Variants in C1S observed in about 807,000 individuals in gnomAD.
The protein encoded by C1S is complement C1s subcomponent.
In C1S, 31 loss-of-function variants were observed where a neutral mutation model predicts 54.0. That is an observed-to-expected ratio of 0.57 (90% confidence interval 0.43 to 0.78). C1S has a LOEUF of 0.78. Among genes scored for constraint, C1S ranks in the 30% least tolerant of loss-of-function variants. The pLI is 0.00. For synonymous variants in C1S, 292 were observed against 303.6 expected (o/e 0.96, Z 0.40); for missense variants, 727 against 851.8 (o/e 0.85, Z 1.82).
intron 6 of C1S, 111 bp downstream of exon 6, chr12:7,065,410 C>A: frequency 1.2e-6 from 1 of 810,080 alleles, no homozygotes; most frequent in Non-Finnish European, 2.1e-6. Flanking sequence ...AGCTGGAGTG[C>A]AGTGGTGCAA....
intron 2 of C1S, 36 bp downstream of exon 2, chr12:7,061,953 C>T (rs782640180): frequency 1.2e-6 from 2 of 1,608,496 alleles, no homozygotes. Flanking sequence ...GACACAGACT[C>T]CATTCCCTTC....
chr12:7,069,891 A>G lies in C1S; in HGVS notation c.1307A>G (p.Gln436Arg), dbSNP rs1395566796. 2 of 1,614,052 alleles carry G rather than the reference A, an allele frequency of 1.2e-6. No individual in the cohort carries two copies. The highest frequency in any genetic ancestry group is 1.7e-6 in the Non-Finnish European group (2 of 1,179,996). ...CCCAGAGAACCCTTTGAAGAAAAAC[A>G]GAGGATAATTGGAGGATCCGATGCA... ...GVPREPFEEK[Q>R]RIIGGSDADI... The change falls in exon 12 of 12, where the codon CAG becomes CGG. Residue 436 changes from glutamine (Q) to arginine (R), a missense_variant. Gln to Arg is a conservative substitution (Grantham distance 43). This residue lies in a region of C1S where 360 missense variants were observed against 453.6 expected (regional missense o/e 0.79). Transcript: ENST00000360817.
intron 1 of C1S, 134 bp downstream of exon 1, chr12:7,061,011 C>T (rs1415134106): frequency 2.0e-5 from 3 of 152,226 alleles, no homozygotes; most frequent in Non-Finnish European, 2.9e-5. Flanking sequence ...ATATAGACAA[C>T]CTATTTCTCT....
At chr12:7,063,450 A>T (rs940875936) in intron 4 of C1S, 1 of 440,144 alleles carries the variant, frequency 2.3e-6, no homozygotes, top group Non-Finnish European at 4.6e-6. Context: ...CTTGCCAAGA[A>T]TCACACAAGG....
chr12:7,066,382 G>A (rs1400778912), intron 7 of C1S, 136 bp from the exon 8 acceptor site: 1 of 710,064 alleles, frequency 1.4e-6, no homozygotes, highest in Non-Finnish European at 2.6e-6. Flanking sequence ...TTAGACATCT[G>A]CTGTATTGGA....
At chr12:7,062,030 G>T in intron 2 of C1S, 113 bp downstream of exon 2, 1 of 1,056,556 alleles carries the variant, frequency 9.5e-7, no homozygotes, top group Non-Finnish European at 1.5e-6. Context: ...AGCACTTTGG[G>T]AGGCTGAGGC....
rs1937792552 is a variant in C1S at position 7,069,865 on chromosome 12, C to T, written c.1281C>T (p.Val427=). The change falls in exon 12 of 12, where the codon GTC becomes GTT. Residue 427 remains valine, a synonymous_variant. Coordinates refer to ENST00000360817, the MANE Select transcript of C1S (RefSeq NM_001734.5). ...ELPKCVPVCG[V]PREPFEEKQR... ...TTTATTCCTTCCTAGTCTGTGGAGT[C>T]CCCAGAGAACCCTTTGAAGAAAAAC... The T allele has an allele frequency of 6.2e-7, 1 of 1,613,624 alleles. No homozygotes were observed. Among genetic ancestry groups the T allele is most frequent in the African/African-American group, 1.3e-5 (1 of 74,892 alleles).
intron 2 of C1S, 123 bp downstream of exon 2, chr12:7,062,040 C>G: frequency 4.2e-6 from 4 of 961,250 alleles, no homozygotes; most frequent in Non-Finnish European, 6.6e-6. Context: ...GAGGCTGAGG[C>G]GGGAGGATTG....
At position 7,066,039 on chromosome 12, in the gene C1S, G is replaced by T. The variant is rs1947172669; in HGVS notation, c.871+69G>T. The T allele has an allele frequency of 2.1e-6, 3 of 1,399,296 alleles. No homozygotes were observed. The Admixed American group carries it at 5.0e-5, about 23-fold the overall frequency. 86.7% of individuals were successfully genotyped at this position (1,399,296 alleles called of 1,614,324 possible). ...CCCCAAACAATGTGGGATCAAAGCA[G>T]GTAGATGATCCAGGCACACTGGAAG... is the stretch of plus-strand genomic sequence containing the variant. On this transcript the variant is annotated intron_variant, in intron 7 of 11. Transcript: ENST00000360817.
chr12:7,064,081 G>A (rs781906065), intron 4 of C1S, 186 bp from the exon 5 acceptor site: 9 of 705,176 alleles, frequency 1.3e-5, no homozygotes, highest in Non-Finnish European at 2.1e-5. Flanking sequence ...TAGTGGTAGG[G>A]CTCAACTCTG....
At position 7,062,552 on chromosome 12, in the gene C1S, A is replaced by C. The variant is rs1555161407; in HGVS notation, c.83A>C (p.Tyr28Ser). Reference sequence around the variant, plus strand: ...TATGGGGAGATCCTGTCCCCTAACTATCCTCAGGCATATCCCAGTGAGGTA... The same window carrying C: ...TATGGGGAGATCCTGTCCCCTAACTCTCCTCAGGCATATCCCAGTGAGGTA... The part of the protein sequence containing the change: ...TMYGEILSPN[Y>S]PQAYPSEVEK... The change falls in exon 3 of 12, where the codon TAT (tyrosine) becomes TCT (serine). Residue 28 changes from tyrosine (Y) to serine (S), a missense_variant. Tyr to Ser is a moderately radical substitution (Grantham distance 144). This residue lies in a region of C1S where 357 missense variants were observed against 365.4 expected (regional missense o/e 0.98). Transcript: ENST00000360817. 3.1e-6 allele frequency: 5 copies of C among 1,613,738 alleles called. No homozygotes were observed. Among genetic ancestry groups the C allele is most frequent in the Non-Finnish European group, 4.2e-6 (5 of 1,179,832 alleles).
chr12:7,067,139 A>T, intron 9 of C1S, 22 bp downstream of exon 9: 1 of 1,442,664 alleles, frequency 6.9e-7, no homozygotes, highest in Non-Finnish European at 9.8e-7. Context: ...TTCAAAGTGG[A>T]AGTCTTTCTT....
rs782236829 is a variant in C1S, at chr12:7,070,523, T to G, written c.1939T>G (p.Phe647Val). The change falls in exon 12 of 12, where the codon TTC becomes GTC. Residue 647 changes from phenylalanine (F) to valine (V), a missense_variant. Phe to Val is a conservative substitution (Grantham distance 50). Around this residue, in one of 3 missense-constraint regions of C1S, gnomAD observed 360 missense variants for 453.6 expected, o/e 0.79. Coordinates refer to ENST00000360817, the MANE Select transcript of C1S (RefSeq NM_001734.5). The surrounding 1 kb of genome is among the most constrained non-coding windows in gnomAD (Gnocchi z 4.9). ...AVQDPNDKTK[F>V]YAAGLVSWGP... is the part of the protein sequence containing the mutation. ...ACAGGATCCCAATGACAAGACCAAA[T>G]TCTACGCAGCTGGCCTGGTGTCCTG... 15 of 1,613,842 alleles carry G rather than the reference T, an allele frequency of 9.3e-6. No homozygotes were observed. In the South Asian group the frequency reaches 1.5e-4, roughly 17 times the overall value.
rs374863140 is a variant in C1S at position 7,064,035 on chromosome 12, T to TACACACACAC, written c.392-229_392-220dup. The TACACACACAC allele has an allele frequency of 0.11, 62,171 of 569,866 alleles. 1,648 individuals carry two copies. The highest frequency in any genetic ancestry group is 0.12 in the Non-Finnish European group (37,463 of 302,830). 35.3% of individuals were successfully genotyped at this position (569,866 alleles called of 1,614,324 possible). The stretch of plus-strand genomic sequence containing the variant: ...GGTGACAGAGTGAGGCTATGTCACT[T>TACACACACAC]ACACACACACACCCCCGAGCTTCCT... On this transcript the variant is annotated intron_variant, in intron 4 of 11. Transcript: ENST00000360817.
rs1328128697 is a variant in C1S, at chr12:7,070,095, C to T, written c.1511C>T (p.Thr504Ile). The change falls in exon 12 of 12, where the codon ACT becomes ATT. Residue 504 changes from threonine to isoleucine, a missense_variant. Physicochemically the swap from Thr to Ile is moderately conservative, Grantham distance 89. Coordinates refer to ENST00000360817, the MANE Select transcript of C1S (RefSeq NM_001734.5). This position sits in a 1 kb window ranked among gnomAD's most constrained non-coding sequence, Gnocchi z 4.9. ...CGGCTGGCAAAATCCAAGATGCTCA[C>T]TCCTGAGCATGTGTTTATTCATCCG... ...TSRLAKSKML[T>I]PEHVFIHPGW... The T allele has an allele frequency of 5.0e-6, 8 of 1,613,972 alleles. No individual in the cohort carries two copies. Among genetic ancestry groups the T allele is most frequent in the African/African-American group, 1.3e-5 (1 of 74,924 alleles).
Position 7,070,316 on chromosome 12 carries a change from C to T in C1S, c.1732C>T (p.Arg578Cys), listed in dbSNP as rs781818479. Reference sequence around the variant, plus strand: ...CTGGGGCCGAACAGAGAAGAGAGATCGTGCTGTTCGCCTCAAGGCGGCAAG... The same window carrying T: ...CTGGGGCCGAACAGAGAAGAGAGATTGTGCTGTTCGCCTCAAGGCGGCAAG... ...SGWGRTEKRD[R>C]AVRLKAARLP... is the part of the protein sequence containing the mutation. The change falls in exon 12 of 12, where the codon CGT (arginine) becomes TGT (cysteine). Residue 578 changes from arginine to cysteine, a missense_variant. Around this residue, in one of 3 missense-constraint regions of C1S, gnomAD observed 360 missense variants for 453.6 expected, o/e 0.79. Coordinates refer to ENST00000360817, the MANE Select transcript of C1S (RefSeq NM_001734.5). The surrounding 1 kb of genome is among the most constrained non-coding windows in gnomAD (Gnocchi z 4.9). The T allele has an allele frequency of 8.7e-6, 14 of 1,614,092 alleles. No individual in the cohort carries two copies. The highest frequency in any genetic ancestry group is 4.4e-5 in the South Asian group (4 of 91,092).
At position 7,067,117 on chromosome 12, in the gene C1S, C is replaced by CG. The variant is rs1937688168; in HGVS notation, c.1066+1dup. ...GAGTAATTCCAAACTGAAATGTCAA[C>CG]GTATGTGTCTCTTCAAAGTGGAAGT... is the stretch of plus-strand genomic sequence containing the variant. On this transcript the variant is annotated frameshift_variant and splice_region_variant. Coordinates refer to ENST00000360817, the MANE Select transcript of C1S (RefSeq NM_001734.5). LOFTEE classifies it high-confidence loss of function. 1 of 1,566,298 alleles carries CG rather than the reference C, an allele frequency of 6.4e-7. No homozygotes were observed. The highest frequency in any genetic ancestry group is 1.7e-5 in the Admixed American group (1 of 59,964).
chr12:7,062,281 A>AAAAAAG (rs1275990340), intron 2 of C1S, 194 bp from the exon 3 acceptor site: 1 of 582,352 alleles, frequency 1.7e-6, no homozygotes, highest in African/African-American at 1.9e-5. Context: ...AAAAAAAAAA[A>AAAAAAG]AAAAAGGGCT....
chr12:7,067,668 C>A lies in C1S; in HGVS notation c.1092C>A (p.Ser364=), dbSNP rs1555162513. The A allele has an allele frequency of 1.2e-6, 2 of 1,613,972 alleles. No homozygotes were observed. The highest frequency in any genetic ancestry group is 1.7e-6 in the Non-Finnish European group (2 of 1,179,978). ...CTGTGGACTGTGGCATTCCTGAATC[C>A]ATTGAGAATGGTAAAGTTGAAGACC... ...CQPVDCGIPE[S]IENGKVEDPE... The change falls in exon 10 of 12, where the codon TCC becomes TCA. Residue 364 remains serine (S), a synonymous_variant. Coordinates refer to ENST00000360817, the MANE Select transcript of C1S (RefSeq NM_001734.5).
Sources: gnomAD v4.1 joint callset for allele counts on GRCh38, gnomAD v4.1.1 for gene constraint, gnomAD v4.1.1 regional missense constraint, Gnocchi (gnomAD v3.1) non-coding constraint, MANE v1.5 for transcripts, NCBI Gene and HGNC (gene_info 2026-07-23, HGNC 2026-07-21) for gene names.